UIMC1: variants seen among roughly 807,000 people sequenced by gnomAD.
UIMC1 encodes the protein ubiquitin interaction motif containing 1, also known as BRCA1-A complex subunit RAP80.
Under a neutral mutation model 84.9 loss-of-function variants are expected in UIMC1, and 42 were observed. That is an observed-to-expected ratio of 0.49 (90% confidence interval 0.39 to 0.64). The LOEUF (loss-of-function observed/expected upper bound fraction) is 0.64, where lower values mean the gene tolerates loss of function less well. UIMC1 is among the 30% of genes least tolerant of loss of function. The probability of loss-of-function intolerance (pLI) is 0.00; values close to 1 mark genes in which losing one functional copy is unlikely to be tolerated. For missense variants in UIMC1, 825 were observed against 847.6 expected, an observed-to-expected ratio of 0.97 and a Z score of 0.33; for synonymous variants, 281 against 293.0, an observed-to-expected ratio of 0.96 and a Z score of 0.42.
chr5:176,980,478 CA>C, intron 2 of UIMC1, among the ~76,000 whole-genome samples: 1 of 152,162 alleles, frequency 6.6e-6, no homozygotes, highest in Admixed American at 6.5e-5. Flanking sequence ...AATGTATGCA[CA>C]AAATTTTTTT....
At chr5:176,918,152 C>T (rs151112322) in intron 10 of UIMC1, among the ~76,000 whole-genome samples, 64 of 152,304 alleles carry the variant, frequency 4.2e-4, no homozygotes, top group African/African-American at 1.5e-3. Context: ...ATTCTGTCTA[C>T]CTTGAGCACC....
At chr5:176,918,985 C>G (rs532089174) in intron 10 of UIMC1, among the ~76,000 whole-genome samples, 1 of 152,282 alleles carries the variant, frequency 6.6e-6, no homozygotes, top group African/African-American at 2.4e-5. Context: ...GACATATTTT[C>G]CTAGTCGGTT....
chr5:177,019,408 G>A (rs1049540528), intron 1 of UIMC1, among the ~76,000 whole-genome samples: 1 of 152,168 alleles, frequency 6.6e-6, no homozygotes, highest in Non-Finnish European at 1.5e-5. Context: ...GGCTGAGGCA[G>A]GAGGATCGCT....
In UIMC1 at chr5:176,905,103, A is replaced by T. The variant is rs999206832; in HGVS notation, c.*179T>A. 5 of 549,724 alleles carry T rather than the reference A, an allele frequency of 9.1e-6. No homozygotes were observed. Among genetic ancestry groups the T allele is most frequent in the Non-Finnish European group, 1.6e-5 (5 of 318,274 alleles). The allele number at this position is 549,724 out of a possible 1,614,324, so 34.1% of individuals were successfully genotyped here. A position where few individuals can be genotyped will look rare whatever the true frequency, so the allele number is the denominator to read the frequency against. Reference sequence around the variant, plus strand: ...ATTCAAACAAACTGTTATAAAACAGAATACACAGTTGTCTGCATAGATCAT... The same window carrying T: ...ATTCAAACAAACTGTTATAAAACAGTATACACAGTTGTCTGCATAGATCAT... On this transcript the variant is annotated 3_prime_UTR_variant, in exon 15 of 15. Coordinates refer to ENST00000511320, the MANE Select transcript of UIMC1 (RefSeq NM_001199298.2).
chr5:176,984,560 G>A lies in UIMC1; in HGVS notation c.-8-1937C>T, dbSNP rs1356405858. Among the ~76,000 whole-genome samples, 12 of 151,982 alleles carry A rather than the reference G, an allele frequency of 7.9e-5. 2 individuals are homozygous for A. In the South Asian group the frequency reaches 1.2e-3, roughly 16 times the overall value. ...GAGTGAGGAGTGCCTCTGCCCGGCC[G>A]CCCCATCTGGGAGGTGTACCCAACA... On this transcript the variant is annotated intron_variant, in intron 1 of 14. Coordinates refer to ENST00000511320, the MANE Select transcript of UIMC1 (RefSeq NM_001199298.2).
At chr5:176,994,092 T>C (rs987922807) in intron 1 of UIMC1, among the ~76,000 whole-genome samples, 7 of 150,602 alleles carry the variant, frequency 4.6e-5, no homozygotes, top group African/African-American at 1.7e-4. Context: ...TAATGCAGCA[T>C]AAACATGCTT....
intron 3 of UIMC1, among the ~76,000 whole-genome samples, chr5:176,974,465 A>G (rs1769742457): frequency 6.6e-6 from 1 of 152,222 alleles, no homozygotes; most frequent in Non-Finnish European, 1.5e-5. Context: ...GGAAATCTTC[A>G]TAACCTTAGC....
At chr5:176,942,103 C>G (rs1424911413) in intron 10 of UIMC1, among the ~76,000 whole-genome samples, 1 of 152,126 alleles carries the variant, frequency 6.6e-6, no homozygotes, top group Non-Finnish European at 1.5e-5. Flanking sequence ...CCTCAGCCTC[C>G]CAAAGGGATT....
intron 10 of UIMC1, among the ~76,000 whole-genome samples, chr5:176,931,597 T>C (rs1763092497): frequency 6.6e-6 from 1 of 152,220 alleles, no homozygotes; most frequent in Non-Finnish European, 1.5e-5. Context: ...CAGGCTGCCA[T>C]TTCATATGCT....
At position 177,000,498 on chromosome 5, in the gene UIMC1, C is replaced by CTTTTTTTTTTTTTTTTTT. The variant is rs966855813; in HGVS notation, c.-9+6134_-9+6151dup. On this transcript the variant is annotated intron_variant, in intron 1 of 14. Transcript: ENST00000511320. Reference sequence around the variant, plus strand: ...ATATGCCTGTTTTCCACTTGCATGTCTTTTTTTTTTTTTTTTTTTGAGATG... The same window carrying CTTTTTTTTTTTTTTTTTT: ...ATATGCCTGTTTTCCACTTGCATGTCTTTTTTTTTTTTTTTTTTTTTTTTTTTTTTTTTTTTTGAGATG... Among the ~76,000 whole-genome samples the CTTTTTTTTTTTTTTTTTT allele has an allele frequency of 1.8e-3, 207 of 113,320 alleles. 10 individuals are homozygous for CTTTTTTTTTTTTTTTTTT. The highest frequency in any genetic ancestry group is 5.8e-3 in the African/African-American group (146 of 25,070). 74.3% of individuals were successfully genotyped at this position (113,320 alleles called of 152,430 possible). A position where few individuals can be genotyped will look rare whatever the true frequency, so the allele number is the denominator to read the frequency against.
chr5:177,019,913 C>T (rs906599007), intron 1 of UIMC1, among the ~76,000 whole-genome samples: 1 of 149,862 alleles, frequency 6.7e-6, no homozygotes, highest in African/African-American at 2.5e-5. Flanking sequence ...GCCTGGGCAA[C>T]AGAGACTCCG....
chr5:176,938,489 A>AC (rs1763995510), intron 10 of UIMC1, among the ~76,000 whole-genome samples: 2 of 152,026 alleles, frequency 1.3e-5, no homozygotes, highest in Non-Finnish European at 2.9e-5. Context: ...ACCCACCTAT[A>AC]CCCCCAAGCT....
chr5:176,925,218 C>G (rs921054792), intron 10 of UIMC1, among the ~76,000 whole-genome samples: 3 of 151,874 alleles, frequency 2.0e-5, no homozygotes, highest in South Asian at 4.2e-4. Flanking sequence ...ACAGAAGATA[C>G]AAAATTAGAC....
At chr5:177,019,742 G>C (rs192576127) in intron 1 of UIMC1, among the ~76,000 whole-genome samples, 3 of 152,032 alleles carry the variant, frequency 2.0e-5, no homozygotes, top group Admixed American at 2.0e-4. Flanking sequence ...GACCAGCCTG[G>C]CCAACAAGAT....
chr5:176,994,955 C>G (rs1335491882), intron 1 of UIMC1, among the ~76,000 whole-genome samples: 28 of 150,770 alleles, frequency 1.9e-4, no homozygotes, highest in Middle Eastern at 3.4e-3. Context: ...CACTCTGGGG[C>G]GGGGTGTGGG....
intron 10 of UIMC1, among the ~76,000 whole-genome samples, chr5:176,939,265 A>AG (rs1302456115): frequency 9.9e-5 from 15 of 151,572 alleles, no homozygotes; most frequent in African/African-American, 3.4e-4. Context: ...TCAAAAAAAA[A>AG]AAAAAAAGAA....
intron 10 of UIMC1, among the ~76,000 whole-genome samples, chr5:176,915,458 AT>A (rs554389479): frequency 1.8e-3 from 265 of 144,282 alleles, no homozygotes; most frequent in Middle Eastern, 3.6e-3. Context: ...ACAGTAAATA[AT>A]TTTTTTTTTT....
At chr5:176,996,824 A>G (rs2149530861) in intron 1 of UIMC1, among the ~76,000 whole-genome samples, 1 of 152,284 alleles carries the variant, frequency 6.6e-6, no homozygotes, top group East Asian at 1.9e-4. Context: ...ATTGCCTGCC[A>G]TTGGGTCTTA....
At chr5:176,914,044 T>TACCACACCACACCAC (rs1554106274) in intron 10 of UIMC1, among the ~76,000 whole-genome samples, 57 of 147,438 alleles carry the variant, frequency 3.9e-4, no homozygotes, top group South Asian at 3.4e-3. Flanking sequence ...CCATACACCA[T>TACCACACCACACCAC]ACCATACCAT....
Sources: gnomAD v4.1 joint callset for allele counts (sites outside exome capture counted in the v4.1 genomes callset) on GRCh38, gnomAD v4.1.1 for gene constraint, MANE v1.5 for transcripts, NCBI Gene and HGNC (gene_info 2026-07-23, HGNC 2026-07-21) for gene names.